The following PPP2R2C variants were observed in gnomAD, a reference collection of about 807,000 sequenced individuals.
PPP2R2C encodes the protein protein phosphatase 2, regulatory subunit B, gamma.
A neutral mutation model predicts 45.3 loss-of-function variants in PPP2R2C; 10 were observed. That is an observed-to-expected ratio of 0.22 (90% CI 0.14 to 0.37). The LOEUF is 0.37. Among genes scored for constraint, PPP2R2C ranks in the 10% least tolerant of loss-of-function variants. PPP2R2C has a pLI of 1.00. For missense variants in PPP2R2C, 308 were observed against 619.7 expected (o/e 0.50, Z 5.34); for synonymous variants, 257 against 245.4 (o/e 1.05, Z -0.44).
rs539171136 is a variant in PPP2R2C, at chr4:6,558,178, C to G, written c.-59+5382G>C. On this transcript the variant is annotated intron_variant, in intron 1 of 9. Transcript: ENST00000506140. ...TCGCATCCCAACACCGAGTGAGCGC[C>G]TGATACACCTAACAGGCTCTGCCTG... Among the ~76,000 whole-genome samples, 23 of 152,358 alleles carry G rather than the reference C, an allele frequency of 1.5e-4. No homozygotes were observed. In the South Asian group the frequency reaches 4.8e-3, roughly 32 times the overall value.
At chr4:6,402,641 C>T (rs929855119) in intron 1 of PPP2R2C, among the ~76,000 whole-genome samples, 6 of 152,144 alleles carry the variant, frequency 3.9e-5, no homozygotes, top group African/African-American at 1.2e-4. Flanking sequence ...TCTCATGGGG[C>T]AGTCATGGAT....
intron 1 of PPP2R2C, among the ~76,000 whole-genome samples, chr4:6,539,027 C>A (rs778674445): frequency 4.6e-5 from 7 of 152,166 alleles, no homozygotes; most frequent in Non-Finnish European, 8.8e-5. Context: ...CAGTCTTCAC[C>A]CCTAGAACCT....
Position 6,372,691 on chromosome 4 carries a change from G to A in PPP2R2C, c.457C>T (p.Leu153=), listed in dbSNP as rs1343067581. Reference sequence around the variant, plus strand: ...TCCACCATCAGATCCATGGGCTTCAGCACTGGCACCTGCAGAGGATGAGGA... The same window carrying A: ...TCCACCATCAGATCCATGGGCTTCAACACTGGCACCTGCAGAGGATGAGGA... ...STVTSLQVPV[L]KPMDLMVEVS... is the part of the protein sequence containing the mutation. Residue 153 remains leucine, a synonymous_variant, in exon 5 of 9, where the codon CTG becomes TTG. Coordinates refer to ENST00000382599, the MANE Select transcript of PPP2R2C (RefSeq NM_020416.4). 6.2e-7 allele frequency: 1 copy of A among 1,613,994 alleles called. No homozygotes were observed. The highest frequency in any genetic ancestry group is 8.5e-7 in the Non-Finnish European group (1 of 1,179,858).
intron 2 of PPP2R2C, among the ~76,000 whole-genome samples, chr4:6,521,917 T>C (rs904508397): frequency 1.3e-5 from 2 of 152,196 alleles, no homozygotes; most frequent in Non-Finnish European, 2.9e-5. Flanking sequence ...CCACTAAACC[T>C]GCCTCCAGCG....
intron 5 of PPP2R2C, among the ~76,000 whole-genome samples, chr4:6,362,424 A>T (rs1577108494): frequency 1.3e-5 from 2 of 152,112 alleles, no homozygotes; most frequent in Admixed American, 6.5e-5. Context: ...AGGGTCGCAC[A>T]CCTCTACCAT....
intron 1 of PPP2R2C, among the ~76,000 whole-genome samples, chr4:6,391,694 C>T (rs77392718): frequency 0.065 from 9,960 of 152,292 alleles, 432 homozygotes; most frequent in Non-Finnish European, 0.096. Flanking sequence ...CTGCCAGAGC[C>T]GAGGACACCA....
At chr4:6,465,186 A>G (rs187133464) in intron 1 of PPP2R2C, among the ~76,000 whole-genome samples, 3 of 152,086 alleles carry the variant, frequency 2.0e-5, no homozygotes, top group African/African-American at 4.8e-5. Flanking sequence ...TGTAGGAAAA[A>G]AAAGAGCTAT....
intron 1 of PPP2R2C, among the ~76,000 whole-genome samples, chr4:6,559,482 C>T (rs916249854): frequency 1.3e-4 from 20 of 152,018 alleles, no homozygotes; most frequent in Non-Finnish European, 2.8e-4. Flanking sequence ...ATTTGCAACA[C>T]GCAGCATCTG....
intron 1 of PPP2R2C, among the ~76,000 whole-genome samples, chr4:6,433,309 T>C (rs1032759961): frequency 3.9e-5 from 6 of 152,210 alleles, no homozygotes; most frequent in African/African-American, 1.4e-4. Context: ...CTTGGACATA[T>C]CTGGATATTG....
chr4:6,383,774 G>T, intron 1 of PPP2R2C: 1 of 991,246 alleles, frequency 1.0e-6, no homozygotes, highest in Non-Finnish European at 1.2e-6. Flanking sequence ...AGGAGCCTCA[G>T]GCTTAATTCA....
At chr4:6,409,399 T>A (rs1718003771) in intron 1 of PPP2R2C, among the ~76,000 whole-genome samples, 1 of 152,108 alleles carries the variant, frequency 6.6e-6, no homozygotes, top group Non-Finnish European at 1.5e-5. Context: ...TCAGTGAGCT[T>A]CCTGGAAGAC....
At chr4:6,529,249 C>G (rs577433697) in intron 2 of PPP2R2C, among the ~76,000 whole-genome samples, 2 of 152,352 alleles carry the variant, frequency 1.3e-5, no homozygotes, top group Admixed American at 1.3e-4. Flanking sequence ...CAGGAGCTCC[C>G]ACTTCAGGCT....
chr4:6,447,845 C>T (rs1268931151), intron 1 of PPP2R2C, among the ~76,000 whole-genome samples: 1 of 152,220 alleles, frequency 6.6e-6, no homozygotes, highest in African/African-American at 2.4e-5. Flanking sequence ...AGCGCAAGCA[C>T]ATCCCTGCGG....
intron 2 of PPP2R2C, among the ~76,000 whole-genome samples, chr4:6,494,050 C>G (rs1412237512): frequency 6.6e-6 from 1 of 152,214 alleles, no homozygotes; most frequent in Non-Finnish European, 1.5e-5. Flanking sequence ...TTTAAACCAC[C>G]TTAGGGTCTG....
At chr4:6,427,728 G>A (rs1216903203) in intron 1 of PPP2R2C, among the ~76,000 whole-genome samples, 1 of 152,248 alleles carries the variant, frequency 6.6e-6, no homozygotes, top group Admixed American at 6.5e-5. Flanking sequence ...CTGGAGGCAA[G>A]GAGAGGCCTT....
rs73086919 is a variant in PPP2R2C, at chr4:6,535,058, C to T, written c.49+213G>A. Reference sequence around the variant, plus strand: ...CACCCATCGGCCTGGGAGACAGGGGCGGCAATGGGGGCTGGTGGGGTGGGG... The same window carrying T: ...CACCCATCGGCCTGGGAGACAGGGGTGGCAATGGGGGCTGGTGGGGTGGGG... On this transcript the variant is annotated intron_variant, in intron 2 of 9. Coordinates refer to the PPP2R2C transcript ENST00000506140. 4.3e-3 allele frequency among the ~76,000 whole-genome samples: 654 copies of T among 151,428 alleles called. 5 individuals carry two copies. Among genetic ancestry groups the T allele is most frequent in the African/African-American group, 0.015 (613 of 41,376 alleles).
At chr4:6,486,442 T>C (rs1722529865) in intron 2 of PPP2R2C, among the ~76,000 whole-genome samples, 1 of 152,080 alleles carries the variant, frequency 6.6e-6, no homozygotes, top group South Asian at 2.1e-4. Flanking sequence ...TTTTTTTGTT[T>C]ACATGTTTCA....
rs1715502680 is a variant in PPP2R2C at position 6,378,252 on chromosome 4, C to T, written c.334+155G>A. On this transcript the variant is annotated intron_variant, in intron 3 of 8. Coordinates refer to ENST00000382599, the MANE Select transcript of PPP2R2C (RefSeq NM_020416.4). The surrounding 1 kb of genome is among the most constrained non-coding windows in gnomAD (Gnocchi z 5.2). ...CGTCTGAGGGGGTCTGGCATACTCA[C>T]TCATGGGATTTATATGCTGCTCAAA... The T allele has an allele frequency of 1.1e-6, 1 of 942,258 alleles. No homozygotes were observed. Among genetic ancestry groups the T allele is most frequent in the South Asian group, 4.9e-5 (1 of 20,272 alleles). The allele number at this position is 942,258 out of a possible 1,614,324, so 58.4% of individuals were successfully genotyped here.
upstream of PPP2R2C, among the ~76,000 whole-genome samples, chr4:6,473,176 A>C (rs377592454): frequency 6.2e-4 from 94 of 152,194 alleles, no homozygotes; most frequent in South Asian, 0.019. Flanking sequence ...GGCCTCCCCC[A>C]GGCAGGGCTC....
Sources: gnomAD v4.1 joint callset for allele counts (sites outside exome capture counted in the v4.1 genomes callset) on GRCh38, gnomAD v4.1.1 for gene constraint, Gnocchi (gnomAD v3.1) non-coding constraint, MANE v1.5 for transcripts, NCBI Gene and HGNC (gene_info 2026-07-23, HGNC 2026-07-21) for gene names.